The following KALRN variants were observed in gnomAD, a reference collection of about 807,000 sequenced individuals.
KALRN encodes the protein kalirin.
A neutral mutation model predicts 353.7 loss-of-function variants in KALRN; 70 were observed. That is an observed-to-expected ratio of 0.20 (90% CI 0.16 to 0.24). The LOEUF is 0.24. KALRN is among the 10% of genes least tolerant of loss of function. KALRN has a pLI of 1.00. For synonymous variants in KALRN, 1,391 were observed against 1,434.8 expected (o/e 0.97, Z 0.69); for missense variants, 2,791 against 3,756.7 (o/e 0.74, Z 6.72).
At chr3:124,652,866 C>T (rs547197184) in intron 38 of KALRN, among the ~76,000 whole-genome samples, 30 of 152,168 alleles carry the variant, frequency 2.0e-4, no homozygotes, top group Non-Finnish European at 3.7e-4. Flanking sequence ...CGTGAGCCAC[C>T]GCACCCAGCC....
chr3:124,129,982 G>A (rs2065098994), intron 1 of KALRN, among the ~76,000 whole-genome samples: 1 of 152,198 alleles, frequency 6.6e-6, no homozygotes, highest in Non-Finnish European at 1.5e-5. Context: ...TTATAAATGT[G>A]TATTGTTTGA....
intron 1 of KALRN, among the ~76,000 whole-genome samples, chr3:124,106,332 G>T (rs2062308553): frequency 6.6e-6 from 1 of 152,198 alleles, no homozygotes; most frequent in South Asian, 2.1e-4. Flanking sequence ...GACTGGAGAG[G>T]TGGAATAGTT....
At chr3:124,379,666 G>A (rs2087064504) in intron 10 of KALRN, among the ~76,000 whole-genome samples, 1 of 152,160 alleles carries the variant, frequency 6.6e-6, no homozygotes, top group Non-Finnish European at 1.5e-5. Context: ...AGGCTGACTG[G>A]TGGGAGCAGG....
Position 124,657,812 on chromosome 3 carries a change from C to T in KALRN, c.6036+9C>T. On this transcript the variant is annotated intron_variant, in intron 41 of 59. Coordinates refer to ENST00000682506, the MANE Select transcript of KALRN (RefSeq NM_001388419.1). Reference sequence around the variant, plus strand: ...AGCTCTTTATTAAGCACGTGAGTGTCTCCCATCACCTCCTCCCCAACTCCT... The same window carrying T: ...AGCTCTTTATTAAGCACGTGAGTGTTTCCCATCACCTCCTCCCCAACTCCT... 1 of 1,564,706 alleles carries T rather than the reference C, an allele frequency of 6.4e-7. No individual in the cohort carries two copies. The highest frequency in any genetic ancestry group is 8.8e-7 in the Non-Finnish European group (1 of 1,135,220).
At chr3:124,580,752 A>G (rs2074546345) in intron 34 of KALRN, among the ~76,000 whole-genome samples, 1 of 152,152 alleles carries the variant, frequency 6.6e-6, no homozygotes, top group Admixed American at 6.5e-5. Flanking sequence ...GTAGGCACTC[A>G]GTAAGTATTT....
At chr3:124,710,360 C>G (rs1579066223) in intron 57 of KALRN, among the ~76,000 whole-genome samples, 1 of 152,164 alleles carries the variant, frequency 6.6e-6, no homozygotes, top group Non-Finnish European at 1.5e-5. Context: ...AAAATCTCAT[C>G]TTCCACAGTG....
chr3:124,390,490 C>A (rs566196040), intron 11 of KALRN, among the ~76,000 whole-genome samples: 142 of 152,290 alleles, frequency 9.3e-4, no homozygotes, highest in Non-Finnish European at 7.8e-4. Flanking sequence ...GGAACCAAAA[C>A]TAAATTGGTC....
intron 54 of KALRN, 38 bp downstream of exon 54, chr3:124,696,293 T>C (rs1169991978): frequency 1.1e-5 from 17 of 1,597,388 alleles, no homozygotes; most frequent in Middle Eastern, 1.7e-4. Flanking sequence ...TTGAAATATA[T>C]ATATATTTTT....
At chr3:124,256,913 A>G (rs868143529) in intron 3 of KALRN, among the ~76,000 whole-genome samples, 1 of 152,210 alleles carries the variant, frequency 6.6e-6, no homozygotes, top group Non-Finnish European at 1.5e-5. Context: ...CACATGCAGC[A>G]ATACTGGGGA....
intron 2 of KALRN, among the ~76,000 whole-genome samples, chr3:124,230,806 A>T (rs1238018026): frequency 6.6e-6 from 1 of 151,258 alleles, no homozygotes; most frequent in Non-Finnish European, 1.5e-5. Context: ...GACTGGCTGC[A>T]TTAAAAAAGC....
Position 124,589,508 on chromosome 3 carries a change from G to A in KALRN, c.5182+26419G>A, listed in dbSNP as rs551933056. On this transcript the variant is annotated intron_variant, in intron 34 of 59. Coordinates refer to ENST00000682506, the MANE Select transcript of KALRN (RefSeq NM_001388419.1). ...CTCGGGAGGTTGAGGTGGGAGGATCGGTTGAGCCCATGAATTCAAGTTTGC... is the reference window on the plus strand; with the variant it reads ...CTCGGGAGGTTGAGGTGGGAGGATCAGTTGAGCCCATGAATTCAAGTTTGC... 5.3e-5 allele frequency among the ~76,000 whole-genome samples: 8 copies of A among 152,272 alleles called. No individual in the cohort carries two copies. In the East Asian group the frequency reaches 5.8e-4, roughly 11 times the overall value.
intron 49 of KALRN, chr3:124,675,310 A>G (rs1429542049): frequency 2.6e-5 from 4 of 152,168 alleles, no homozygotes; most frequent in Non-Finnish European, 5.9e-5. Context: ...TGAAGTCAGG[A>G]TGTGCAATAT....
intron 34 of KALRN, among the ~76,000 whole-genome samples, chr3:124,576,600 A>G (rs551907649): frequency 6.6e-6 from 1 of 152,330 alleles, no homozygotes; most frequent in African/African-American, 2.4e-5. Flanking sequence ...GCAGGTCATT[A>G]TCCACATTCC....
chr3:124,395,260 A>G lies in KALRN; in HGVS notation c.2088A>G (p.Thr696=). ...QQQQTATLDA[T]LNVIKEGEDL... is the part of the protein sequence containing the mutation. ...AGCAGACCGCCACTCTAGATGCCAC[A>G]CTCAATGTCATCAAGGAAGGCGAAG... Residue 696 remains threonine (T), a synonymous_variant, in exon 12 of 60, where the codon ACA becomes ACG. Transcript: ENST00000682506. The G allele has an allele frequency of 6.2e-7, 1 of 1,613,206 alleles. No individual in the cohort carries two copies. Among genetic ancestry groups the G allele is most frequent in the Non-Finnish European group, 8.5e-7 (1 of 1,179,808 alleles).
At chr3:124,490,479 C>T (rs571252238) in intron 29 of KALRN, among the ~76,000 whole-genome samples, 1 of 152,210 alleles carries the variant, frequency 6.6e-6, no homozygotes, top group African/African-American at 2.4e-5. Context: ...ATATAAAAGA[C>T]ATGGTGCAGG....
intron 3 of KALRN, among the ~76,000 whole-genome samples, chr3:124,242,211 C>G (rs4608634): frequency 0.58 from 87,746 of 152,104 alleles, 25,532 homozygotes; most frequent in African/African-American, 0.63. Flanking sequence ...AATAATGTGG[C>G]TTAAAGACAG....
At chr3:124,662,571 G>C (rs2085031986) in intron 45 of KALRN, among the ~76,000 whole-genome samples, 1 of 152,092 alleles carries the variant, frequency 6.6e-6, no homozygotes, top group Admixed American at 6.5e-5. Context: ...CCTGTTTTTT[G>C]AGAAGGTGGT....
intron 1 of KALRN, among the ~76,000 whole-genome samples, chr3:124,091,299 C>A (rs1324741740): frequency 6.6e-6 from 1 of 152,134 alleles, no homozygotes; most frequent in Non-Finnish European, 1.5e-5. Context: ...TTGCAGATAC[C>A]AGCAACTATG....
intron 5 of KALRN, among the ~76,000 whole-genome samples, chr3:124,281,427 C>A (rs2075333983): frequency 1.3e-5 from 2 of 152,302 alleles, no homozygotes; most frequent in South Asian, 4.1e-4. Context: ...CATGAGGGCC[C>A]TAGAATGGAG....
Sources: gnomAD v4.1 joint callset for allele counts (sites outside exome capture counted in the v4.1 genomes callset) on GRCh38, gnomAD v4.1.1 for gene constraint, MANE v1.5 for transcripts, NCBI Gene and HGNC (gene_info 2026-07-23, HGNC 2026-07-21) for gene names.